The following TBC1D21 variants were observed in gnomAD, a reference collection of about 807,000 sequenced individuals.
The protein encoded by TBC1D21 is TBC1 domain family member 21.
TBC1D21 carries 38 observed loss-of-function variants against 46.0 expected under a neutral mutation model. The ratio of observed to expected loss-of-function variants is 0.83; its 90% CI spans 0.64 to 1.08. The LOEUF (loss-of-function observed/expected upper bound fraction) is 1.08, where lower values mean the gene tolerates loss of function less well. Ranked by LOEUF, TBC1D21 falls within the 50% of genes least tolerant of loss-of-function variation. The probability of loss-of-function intolerance (pLI) is 0.00; values close to 1 mark genes in which losing one functional copy is unlikely to be tolerated. For missense variants in TBC1D21, 415 were observed against 417.9 expected, an observed-to-expected ratio of 0.99 and a Z score of 0.06; for synonymous variants, 151 against 157.2, an observed-to-expected ratio of 0.96 and a Z score of 0.29.
At chr15:73,888,716 T>TCTCCTCCTCCTCTTCTTCCTC (rs1567070507) in intron 10 of TBC1D21, among the ~76,000 whole-genome samples, 253 of 116,714 alleles carry the variant, frequency 2.2e-3, no homozygotes, top group African/African-American at 7.9e-3. Flanking sequence ...TCTTCTTCCT[T>TCTCCTCCTCCTCTTCTTCCTC]CTCCTCCTCC....
intron 3 of TBC1D21, among the ~76,000 whole-genome samples, chr15:73,883,219 C>A (rs1567066156): frequency 6.6e-6 from 1 of 152,204 alleles, no homozygotes; most frequent in Admixed American, 6.5e-5. Flanking sequence ...CAGAGTGACC[C>A]GGGGTGGGAC....
At chr15:73,884,298 C>A in intron 4 of TBC1D21, 53 bp downstream of exon 4, 2 of 1,511,160 alleles carry the variant, frequency 1.3e-6, no homozygotes, top group Non-Finnish European at 1.8e-6. Context: ...TGAAGCCAAC[C>A]CTGCCCCCTT....
At chr15:73,906,136 T>G in the TBC1D21 span, among the ~76,000 whole-genome samples, 2 of 152,344 alleles carry the variant, frequency 1.3e-5, no homozygotes, top group Middle Eastern at 3.4e-3. Flanking sequence ...AAGTTTGTTG[T>G]GCTACTTCTA....
At chr15:73,888,660 T>G in intron 10 of TBC1D21, 147 bp downstream of exon 10, 16 of 590,092 alleles carry the variant, frequency 2.7e-5, no homozygotes, top group Non-Finnish European at 3.3e-5. Context: ...CCTCCTCTTC[T>G]TCCTCCTCCT....
chr15:73,886,180 T>C lies in TBC1D21; in HGVS notation c.676+6T>C. ...CGTGTTTGCTGAGCACCTAAGTGAGTGGTTCCCACCTCCTGCCACCTCACG... is the reference window on the plus strand; with the variant it reads ...CGTGTTTGCTGAGCACCTAAGTGAGCGGTTCCCACCTCCTGCCACCTCACG... On this transcript the variant is annotated splice_donor_region_variant and intron_variant, in intron 7 of 10. Coordinates refer to ENST00000300504, the MANE Select transcript of TBC1D21 (RefSeq NM_153356.3). The C allele has an allele frequency of 6.2e-7, 1 of 1,613,754 alleles. No individual in the cohort carries two copies. Among genetic ancestry groups the C allele is most frequent in the Non-Finnish European group, 8.5e-7 (1 of 1,179,664 alleles).
chr15:73,901,630 G>A, the TBC1D21 span, among the ~76,000 whole-genome samples: 3 of 152,172 alleles, frequency 2.0e-5, no homozygotes, highest in Non-Finnish European at 4.4e-5. Context: ...GGTTCCTTCT[G>A]GAGACTCTAG....
chr15:73,904,465 T>C, the TBC1D21 span, among the ~76,000 whole-genome samples: 8 of 152,316 alleles, frequency 5.3e-5, no homozygotes, highest in East Asian at 1.5e-3. Context: ...GGCAAGAGTA[T>C]TTACACCACA....
At chr15:73,902,915 C>T in the TBC1D21 span, among the ~76,000 whole-genome samples, 1 of 152,268 alleles carries the variant, frequency 6.6e-6, no homozygotes, top group Admixed American at 6.5e-5. Context: ...CAATCCGGGT[C>T]GGGTCTGGCA....
chr15:73,875,724 G>A (rs1218241851), intron 1 of TBC1D21, among the ~76,000 whole-genome samples: 1 of 152,162 alleles, frequency 6.6e-6, no homozygotes, highest in African/African-American at 2.4e-5. Flanking sequence ...CTAGCAGTAC[G>A]CTTCCCAGGA....
chr15:73,889,578 T>C (rs2141588254), downstream of TBC1D21, among the ~76,000 whole-genome samples: 1 of 152,332 alleles, frequency 6.6e-6, no homozygotes, highest in South Asian at 2.1e-4. Context: ...CTGAGTCCTG[T>C]CACATCAATC....
intron 1 of TBC1D21, among the ~76,000 whole-genome samples, chr15:73,881,041 GC>G (rs1447498495): frequency 2.6e-5 from 4 of 152,056 alleles, no homozygotes; most frequent in Non-Finnish European, 5.9e-5. Flanking sequence ...TCTGTATTCT[GC>G]TTTTTTCTGT....
chr15:73,888,750 C>T (rs1159205973), intron 10 of TBC1D21, among the ~76,000 whole-genome samples: 1 of 149,676 alleles, frequency 6.7e-6, no homozygotes, highest in African/African-American at 2.5e-5. Flanking sequence ...CCTCCTCCTC[C>T]TCATCAGAGC....
At chr15:73,887,862 G>A (rs753401332) in intron 9 of TBC1D21, 126 bp downstream of exon 9, 1 of 739,586 alleles carries the variant, frequency 1.4e-6, no homozygotes, top group Non-Finnish European at 2.2e-6. Context: ...CCCCCAGACA[G>A]AAAGGGCAAT....
downstream of TBC1D21, among the ~76,000 whole-genome samples, chr15:73,892,961 C>T (rs4886743): frequency 0.31 from 46,521 of 151,960 alleles, 8,137 homozygotes; most frequent in Middle Eastern, 0.51. Context: ...AATTATATGG[C>T]GGTGTTGGTG....
At chr15:73,901,704 C>A in the TBC1D21 span, among the ~76,000 whole-genome samples, 4 of 152,174 alleles carry the variant, frequency 2.6e-5, no homozygotes, top group Non-Finnish European at 4.4e-5. Context: ...GGGCTAGTGG[C>A]CGCTTTCTCA....
At chr15:73,881,367 C>G in intron 1 of TBC1D21, 32 bp from the exon 2 acceptor site, 9 of 1,542,034 alleles carry the variant, frequency 5.8e-6, no homozygotes, top group African/African-American at 1.4e-5. Context: ...AGCCTTCTAA[C>G]ATAAGGCAGA....
chr15:73,889,581 C>CA (rs2068319581), downstream of TBC1D21, among the ~76,000 whole-genome samples: 1 of 152,238 alleles, frequency 6.6e-6, no homozygotes, highest in South Asian at 2.1e-4. Context: ...AGTCCTGTCA[C>CA]ATCAATCACA....
chr15:73,909,243 G>A, the TBC1D21 span, among the ~76,000 whole-genome samples: 2 of 152,152 alleles, frequency 1.3e-5, no homozygotes, highest in African/African-American at 2.4e-5. Context: ...GTGGTGGCAC[G>A]CACCTGTAGT....
At chr15:73,904,433 C>T in the TBC1D21 span, among the ~76,000 whole-genome samples, 1 of 152,204 alleles carries the variant, frequency 6.6e-6, no homozygotes, top group East Asian at 1.9e-4. Context: ...TGGCATTATG[C>T]GGGTTGTCTG....
Sources: gnomAD v4.1 joint callset for allele counts (sites outside exome capture counted in the v4.1 genomes callset) on GRCh38, gnomAD v4.1.1 for gene constraint, MANE v1.5 for transcripts, NCBI Gene and HGNC (gene_info 2026-07-23, HGNC 2026-07-21) for gene names.